ZNF438: variants seen among roughly 807,000 people sequenced by gnomAD.
ZNF438 encodes zinc finger protein 438.
A neutral mutation model predicts 38.0 loss-of-function variants in ZNF438; 25 were observed. The observed-to-expected ratio is 0.66, with a 90% confidence interval of 0.48 to 0.92. ZNF438 has a LOEUF of 0.92. ZNF438 is among the 40% of genes least tolerant of loss of function. The pLI is 0.00. For missense variants in ZNF438, 1,007 were observed against 999.6 expected (o/e 1.01, Z -0.10); for synonymous variants, 372 against 364.1 (o/e 1.02, Z -0.25).
At chr10:30,901,670 CGGCGATAGTCTCACCGCTT>C (rs2042002812) in intron 3 of ZNF438, among the ~76,000 whole-genome samples, 2 of 151,534 alleles carry the variant, frequency 1.3e-5, no homozygotes, top group African/African-American at 2.4e-5. Flanking sequence ...TCTCACCGCT[CGGCGATAGTCTCACCGCTT>C]GGCGATAGGC....
rs539294867 is a variant in ZNF438 at position 30,914,835 on chromosome 10, A to G, written c.-114-5820T>C. On this transcript the variant is annotated intron_variant, in intron 2 of 5. Coordinates refer to ENST00000413025, the Ensembl canonical transcript of ZNF438. ...TAATGAACACAATAAAAAAAAATCAATATTTTTAAAAAGTAGATCTTAAAA... is the reference window on the plus strand; with the variant it reads ...TAATGAACACAATAAAAAAAAATCAGTATTTTTAAAAAGTAGATCTTAAAA... Among the ~76,000 whole-genome samples the G allele has an allele frequency of 3.9e-5, 6 of 152,166 alleles. No homozygotes were observed. The South Asian group carries it at 1.2e-3, about 32-fold the overall frequency.
chr10:30,895,537 T>A (rs1305816994), intron 3 of ZNF438, among the ~76,000 whole-genome samples: 1 of 152,182 alleles, frequency 6.6e-6, no homozygotes, highest in East Asian at 1.9e-4. Flanking sequence ...AAAACTTCCA[T>A]GTATCAACAG....
At chr10:30,908,960 G>A (rs191427915) in exon 3 of ZNF438, 1 of 152,142 alleles carries the variant, frequency 6.6e-6, no homozygotes, top group East Asian at 1.9e-4. Flanking sequence ...TGAAGTTTGT[G>A]GTTAATTCCA....
In ZNF438 at chr10:30,952,123, C is replaced by G. The variant is rs377731365; in HGVS notation, c.-191-10472G>C. ...CTATCTACAACTATCTGATCTTTGA[C>G]AAACCTGACAAAAACAAGCAATGGG... On this transcript the variant is annotated intron_variant, in intron 1 of 5. Transcript: ENST00000413025. 1.9e-4 allele frequency among the ~76,000 whole-genome samples: 29 copies of G among 151,588 alleles called. No individual in the cohort carries two copies. The South Asian group carries it at 6.1e-3, about 32-fold the overall frequency.
intron 3 of ZNF438, among the ~76,000 whole-genome samples, chr10:30,903,123 G>A (rs373533934): frequency 2.0e-5 from 3 of 152,182 alleles, no homozygotes; most frequent in East Asian, 1.9e-4. Flanking sequence ...ACGCCCACCC[G>A]GAACTCTAGC....
intron 1 of ZNF438, among the ~76,000 whole-genome samples, chr10:30,994,686 T>C (rs1176881834): frequency 6.6e-6 from 1 of 152,040 alleles, no homozygotes; most frequent in Non-Finnish European, 1.5e-5. Context: ...TAACAGAAAA[T>C]GGACTAAAAC....
Position 30,962,138 on chromosome 10 carries a change from T to G in ZNF438, c.-191-20487A>C, listed in dbSNP as rs1010798239. ...TAAAGGTAACTTCTGTTATGCTCTG[T>G]CAACTCCTGCTTGTACAGAGCAACA... On this transcript the variant is annotated intron_variant, in intron 1 of 5. Coordinates refer to ENST00000413025, the Ensembl canonical transcript of ZNF438. 4.1e-5 allele frequency among the ~76,000 whole-genome samples: 6 copies of G among 146,870 alleles called. 1 individual carries two copies. The South Asian group carries it at 1.1e-3, about 27-fold the overall frequency.
exon 6 of ZNF438, chr10:30,845,491 GACA>G: frequency 6.2e-7 from 1 of 1,614,110 alleles, no homozygotes; most frequent in Non-Finnish European, 8.5e-7. Flanking sequence ...GCAGTAATCT[GACA>G]ACGACCACAT....
intron 1 of ZNF438, among the ~76,000 whole-genome samples, chr10:30,954,206 G>A (rs1374940795): frequency 1.3e-5 from 2 of 152,156 alleles, no homozygotes; most frequent in Non-Finnish European, 2.9e-5. Flanking sequence ...TAGGCGAAAG[G>A]TTGAAAGTGG....
intron 3 of ZNF438, among the ~76,000 whole-genome samples, chr10:30,897,100 T>G (rs2041447919): frequency 6.6e-6 from 1 of 152,218 alleles, no homozygotes; most frequent in South Asian, 2.1e-4. Context: ...GAATGACATA[T>G]TCTTTTTGAA....
At chr10:30,894,017 C>A (rs1264517724) in intron 3 of ZNF438, among the ~76,000 whole-genome samples, 1 of 152,128 alleles carries the variant, frequency 6.6e-6, no homozygotes, top group Non-Finnish European at 1.5e-5. Flanking sequence ...TTGCACACAG[C>A]AAAATGGTAC....
intron 4 of ZNF438, among the ~76,000 whole-genome samples, chr10:30,867,826 C>G (rs2036714698): frequency 6.6e-6 from 1 of 151,952 alleles, no homozygotes; most frequent in Non-Finnish European, 1.5e-5. Flanking sequence ...GTAAGTCATC[C>G]TAACACAAAT....
At chr10:30,851,382 T>G (rs1191431449) in intron 4 of ZNF438, among the ~76,000 whole-genome samples, 1 of 152,250 alleles carries the variant, frequency 6.6e-6, no homozygotes, top group African/African-American at 2.4e-5. Context: ...AAGACCTGGC[T>G]GCAGAAATGT....
chr10:30,928,026 G>T (rs2045165601), intron 2 of ZNF438, among the ~76,000 whole-genome samples: 1 of 152,020 alleles, frequency 6.6e-6, no homozygotes, highest in Non-Finnish European at 1.5e-5. Flanking sequence ...ATTTTATTTG[G>T]GTCTCCGTAC....
At chr10:30,951,318 A>T (rs1205254273) in intron 1 of ZNF438, among the ~76,000 whole-genome samples, 1 of 149,028 alleles carries the variant, frequency 6.7e-6, no homozygotes, top group African/African-American at 2.4e-5. Context: ...AACTGGAAGC[A>T]TTCCCTTTGA....
chr10:30,900,162 CTATG>C, intron 3 of ZNF438, among the ~76,000 whole-genome samples: 1 of 152,188 alleles, frequency 6.6e-6, no homozygotes, highest in South Asian at 2.1e-4. Context: ...CCAATAAAAA[CTATG>C]TATGGATACT....
chr10:30,997,591 T>A (rs962707755), intron 1 of ZNF438, among the ~76,000 whole-genome samples: 1 of 142,080 alleles, frequency 7.0e-6, no homozygotes, highest in Admixed American at 7.1e-5. Context: ...TTTTTTTTTT[T>A]ACCTTGGGAG....
rs2049256957 is a variant in ZNF438, at chr10:30,959,657, A to G, written c.-191-18006T>C. ...CAGCTACTCAGGAGGCTGAGGCAGG[A>G]GAATGGCGTGAACCCGGGAGGCGGA... On this transcript the variant is annotated intron_variant, in intron 1 of 5. Coordinates refer to ENST00000413025, the Ensembl canonical transcript of ZNF438. Among the ~76,000 whole-genome samples the G allele has an allele frequency of 3.4e-5, 5 of 145,164 alleles. 1 individual carries two copies. Among genetic ancestry groups the G allele is most frequent in the Non-Finnish European group, 7.8e-5 (5 of 64,200 alleles).
chr10:31,020,675 TAA>T (rs1266221405), intron 1 of ZNF438, among the ~76,000 whole-genome samples: 3 of 151,138 alleles, frequency 2.0e-5, no homozygotes, highest in African/African-American at 7.3e-5. Flanking sequence ...TATAAATTTA[TAA>T]AGTTTAACTG....
Sources: gnomAD v4.1 joint callset for allele counts (sites outside exome capture counted in the v4.1 genomes callset) on GRCh38, gnomAD v4.1.1 for gene constraint, MANE v1.5 for transcripts, NCBI Gene and HGNC (gene_info 2026-07-23, HGNC 2026-07-21) for gene names.